Variants in ZFPM2 observed in about 807,000 individuals in gnomAD.
The protein encoded by ZFPM2 is zinc finger protein ZFPM2.
ZFPM2 carries 20 observed loss-of-function variants against 98.6 expected under a neutral mutation model. The observed-to-expected ratio is 0.20, with a 90% CI of 0.14 to 0.29. The LOEUF is 0.29. Among genes scored for constraint, ZFPM2 ranks in the 10% least tolerant of loss-of-function variants. The pLI is 1.00. For missense variants in ZFPM2, 1,310 were observed against 1,388.6 expected (o/e 0.94, Z 0.90); for synonymous variants, 518 against 502.7 (o/e 1.03, Z -0.41).
At chr8:105,492,142 CAAAG>C (rs975675310) in intron 3 of ZFPM2, among the ~76,000 whole-genome samples, 15 of 152,160 alleles carry the variant, frequency 9.9e-5, no homozygotes, top group African/African-American at 3.6e-4. Context: ...TGTGTTAAAA[CAAAG>C]AAATTCAAAT....
chr8:105,489,466 A>ATATATATATATTTTTTT (rs1554610604), intron 3 of ZFPM2, among the ~76,000 whole-genome samples: 1 of 119,810 alleles, frequency 8.3e-6, no homozygotes, highest in African/African-American at 3.6e-5. Flanking sequence ...ATATATATAT[A>ATATATATATATTTTTTT]TTTTTTTTTT....
intron 2 of ZFPM2, among the ~76,000 whole-genome samples, chr8:105,428,976 C>T (rs1811965065): frequency 6.6e-6 from 1 of 152,094 alleles, no homozygotes; most frequent in South Asian, 2.1e-4. Context: ...CAAGTCTTAG[C>T]ACATAGCAGA....
At chr8:105,660,225 T>G (rs1251098928) in intron 5 of ZFPM2, among the ~76,000 whole-genome samples, 1 of 152,214 alleles carries the variant, frequency 6.6e-6, no homozygotes. Flanking sequence ...TTTCACTTGT[T>G]TTTTTCATTG....
chr8:105,474,485 C>G (rs1812974060), intron 3 of ZFPM2, among the ~76,000 whole-genome samples: 1 of 152,070 alleles, frequency 6.6e-6, no homozygotes. Flanking sequence ...AAGCAAACAT[C>G]AAAAGATTTG....
intron 5 of ZFPM2, among the ~76,000 whole-genome samples, chr8:105,667,341 A>G (rs1378857882): frequency 3.9e-5 from 6 of 152,220 alleles, no homozygotes; most frequent in Admixed American, 1.3e-4. Flanking sequence ...GAAATGTACC[A>G]ACAATGGGAA....
intron 1 of ZFPM2, among the ~76,000 whole-genome samples, chr8:105,342,002 C>T (rs1024033959): frequency 1.9e-4 from 29 of 151,980 alleles, no homozygotes; most frequent in Non-Finnish European, 1.0e-4. Context: ...TCAGGGAGAA[C>T]GTGAGTTGGG....
At chr8:105,543,178 C>T (rs1309045926) in intron 3 of ZFPM2, among the ~76,000 whole-genome samples, 7 of 152,238 alleles carry the variant, frequency 4.6e-5, no homozygotes, top group African/African-American at 1.7e-4. Flanking sequence ...TTACCTCTAT[C>T]TCCTTTTAAG....
At chr8:105,453,903 T>C (rs2130265041) in intron 3 of ZFPM2, among the ~76,000 whole-genome samples, 1 of 152,240 alleles carries the variant, frequency 6.6e-6, no homozygotes. Flanking sequence ...TAGAGTATTT[T>C]AAAGCGAGTT....
chr8:105,407,002 T>G (rs901611975), intron 1 of ZFPM2, among the ~76,000 whole-genome samples: 1 of 151,870 alleles, frequency 6.6e-6, no homozygotes, highest in African/African-American at 2.4e-5. Flanking sequence ...TGTGGTATGA[T>G]GTGCTGCTAG....
Position 105,509,747 on chromosome 8 carries a change from A to G in ZFPM2, c.302-51616A>G, listed in dbSNP as rs1294872777. Among the ~76,000 whole-genome samples the G allele has an allele frequency of 2.0e-5, 3 of 152,006 alleles. No individual in the cohort carries two copies. The East Asian group carries it at 5.8e-4, about 29-fold the overall frequency. ...TCACTTTTTATCATTTTTTTAACCTAGGAGTCATTTAAGGAAGTGAAGTAG... is the reference window on the plus strand; with the variant it reads ...TCACTTTTTATCATTTTTTTAACCTGGGAGTCATTTAAGGAAGTGAAGTAG... On this transcript the variant is annotated intron_variant, in intron 3 of 7. Coordinates refer to ENST00000407775, the MANE Select transcript of ZFPM2 (RefSeq NM_012082.4).
intron 4 of ZFPM2, among the ~76,000 whole-genome samples, chr8:105,616,153 A>T (rs913844698): frequency 1.3e-5 from 2 of 152,082 alleles, no homozygotes; most frequent in African/African-American, 4.8e-5. Context: ...AAACTCAATG[A>T]CCAAAGCCTT....
intron 3 of ZFPM2, among the ~76,000 whole-genome samples, chr8:105,505,165 G>A (rs1355248133): frequency 6.6e-6 from 1 of 152,130 alleles, no homozygotes; most frequent in Non-Finnish European, 1.5e-5. Flanking sequence ...TAAAATGAAA[G>A]AAATTGTATC....
chr8:105,717,387 A>G (rs1811548594), intron 5 of ZFPM2, among the ~76,000 whole-genome samples: 1 of 151,902 alleles, frequency 6.6e-6, no homozygotes, highest in South Asian at 2.1e-4. Context: ...TATTGTCATT[A>G]TTTCTGCAAG....
chr8:105,770,300 G>A (rs556331959), intron 5 of ZFPM2, among the ~76,000 whole-genome samples: 47 of 152,224 alleles, frequency 3.1e-4, no homozygotes, highest in African/African-American at 1.1e-3. Flanking sequence ...CTGGAAGACA[G>A]CCAGAGAGAT....
chr8:105,734,334 A>G (rs1167763186), intron 5 of ZFPM2, among the ~76,000 whole-genome samples: 2 of 151,970 alleles, frequency 1.3e-5, no homozygotes, highest in Non-Finnish European at 2.9e-5. Flanking sequence ...ATCTTTTTAT[A>G]AGCAAAGAAT....
At chr8:105,571,649 G>A (rs780844363) in intron 4 of ZFPM2, among the ~76,000 whole-genome samples, 16 of 152,212 alleles carry the variant, frequency 1.1e-4, no homozygotes, top group Non-Finnish European at 2.4e-4. Flanking sequence ...CCAGCATTAT[G>A]AGGACTTAGC....
chr8:105,514,168 A>G (rs188866923), intron 3 of ZFPM2, among the ~76,000 whole-genome samples: 2 of 151,942 alleles, frequency 1.3e-5, no homozygotes, highest in East Asian at 3.9e-4. Flanking sequence ...ACACGCGTCT[A>G]AATTTTGTAT....
chr8:105,562,171 A>T (rs1018126226), intron 4 of ZFPM2, among the ~76,000 whole-genome samples: 1 of 151,856 alleles, frequency 6.6e-6, no homozygotes, highest in Admixed American at 6.6e-5. Context: ...TTAGCCAGAC[A>T]TGGTGGCGGG....
chr8:105,514,307 C>CTTT (rs56955237), intron 3 of ZFPM2, among the ~76,000 whole-genome samples: 13 of 127,556 alleles, frequency 1.0e-4, no homozygotes, highest in South Asian at 1.0e-3. Flanking sequence ...CTGGTCGTGT[C>CTTT]TTTTTTTTTT....
Sources: allele counts gnomAD v4.1 joint callset (sites outside exome capture counted in the v4.1 genomes callset), GRCh38; gene constraint gnomAD v4.1.1; transcripts MANE v1.5; gene names NCBI Gene and HGNC (gene_info 2026-07-23, HGNC 2026-07-21).